Variants in MDGA1 observed in about 807,000 individuals in gnomAD.
The protein encoded by MDGA1 is MAM domain-containing glycosylphosphatidylinositol anchor protein 1.
MDGA1 carries 54 observed loss-of-function variants against 101.5 expected under a neutral mutation model. That is an observed-to-expected ratio of 0.53 (90% CI 0.43 to 0.67). The LOEUF (loss-of-function observed/expected upper bound fraction) is 0.67. MDGA1 is among the 30% of genes least tolerant of loss of function. MDGA1 has a pLI of 0.00. For synonymous variants in MDGA1, 533 were observed against 558.3 expected (o/e 0.95, Z 0.64); for missense variants, 1,083 against 1,323.8 (o/e 0.82, Z 2.82).
chr6:37,637,325 G>T lies in MDGA1; in HGVS notation c.*43C>A. On this transcript the variant is annotated 3_prime_UTR_variant, in exon 17 of 17. Transcript: ENST00000434837. ...TCTTTGGTACAATGTGGACACTTTG[G>T]TGTGCCGGGGGCAAGGTTGGGGGGG... The T allele has an allele frequency of 6.6e-7, 1 of 1,522,356 alleles. No homozygotes were observed. The highest frequency in any genetic ancestry group is 9.1e-7 in the Non-Finnish European group (1 of 1,099,556). 94.3% of individuals were successfully genotyped at this position (1,522,356 alleles called of 1,614,324 possible).
At chr6:37,681,060 G>C (rs1302192550) in intron 1 of MDGA1, among the ~76,000 whole-genome samples, 2 of 152,200 alleles carry the variant, frequency 1.3e-5, no homozygotes, top group South Asian at 4.1e-4. Flanking sequence ...GGGGGTTAAG[G>C]GGGATGGGTC....
At chr6:37,651,293 G>A (rs1179633790) in intron 7 of MDGA1, among the ~76,000 whole-genome samples, 2 of 152,164 alleles carry the variant, frequency 1.3e-5, no homozygotes, top group African/African-American at 2.4e-5. Flanking sequence ...CCCAATCAGA[G>A]GGTCTTTTGA....
At chr6:37,643,678 A>C (rs1368686350) in intron 14 of MDGA1, 131 bp downstream of exon 14, 1 of 1,304,426 alleles carries the variant, frequency 7.7e-7, no homozygotes, top group Non-Finnish European at 1.1e-6. Flanking sequence ...AGACCCGTCC[A>C]AGGACCTCTC....
intron 6 of MDGA1, 47 bp downstream of exon 6, chr6:37,654,227 C>T (rs759156010): frequency 2.7e-6 from 4 of 1,502,166 alleles, no homozygotes; most frequent in African/African-American, 1.4e-5. Context: ...GACCAGGGAC[C>T]TTGTCTGCCT....
intron 13 of MDGA1, 68 bp downstream of exon 13, chr6:37,644,429 G>A: frequency 7.0e-7 from 1 of 1,419,132 alleles, no homozygotes; most frequent in Non-Finnish European, 9.3e-7. Context: ...TCCCCAGTCT[G>A]GGGTGCCCTG....
intron 1 of MDGA1, among the ~76,000 whole-genome samples, chr6:37,668,980 T>A (rs1309557103): frequency 6.6e-6 from 1 of 152,182 alleles, no homozygotes; most frequent in South Asian, 2.1e-4. Context: ...CCCGAGTAGC[T>A]GGGATTACAG....
At chr6:37,684,115 AAGGCTT>A (rs1340807242) in intron 1 of MDGA1, among the ~76,000 whole-genome samples, 2 of 152,174 alleles carry the variant, frequency 1.3e-5, no homozygotes, top group Non-Finnish European at 2.9e-5. Flanking sequence ...CCATCGGGAG[AAGGCTT>A]AGGGCTGCCA....
chr6:37,649,225 C>G lies in MDGA1; in HGVS notation c.1651G>C (p.Ala551Pro). 1 of 1,509,268 alleles carries G rather than the reference C, an allele frequency of 6.6e-7. No individual in the cohort carries two copies. Among genetic ancestry groups the G allele is most frequent in the Admixed American group, 2.1e-5 (1 of 47,682 alleles). 93.5% of individuals were successfully genotyped at this position (1,509,268 alleles called of 1,614,324 possible). The change falls in exon 9 of 17, where the codon GCG becomes CCG. Residue 551 changes from alanine (A) to proline (P), a missense_variant. Around this residue, in one of 3 missense-constraint regions of MDGA1, gnomAD observed 657 missense variants for 771.4 expected, o/e 0.85. Coordinates refer to ENST00000434837, the MANE Select transcript of MDGA1 (RefSeq NM_153487.4). ...VEPSSQDVRQ[A>P]LGRPVLLRCS... ...CGCAGGAGCACGGGCCGGCCCAGCG[C>G]CTGGCGCACGTCCTGGGAACTGGGC...
In MDGA1 at chr6:37,652,138, T is replaced by G; in HGVS notation, c.1185A>C (p.Ala395=). ...LVTRNDPELP[A]VTSSLELIDL... ...CAATGAGCTCTAGGCTGCTGGTGAC[T>G]GCGGGCAGCTCAGGATCATTGCGGG... Residue 395 remains alanine (A), a synonymous_variant, in exon 7 of 17, where the codon GCA becomes GCC. Transcript: ENST00000434837. The surrounding 1 kb of genome is among the most constrained non-coding windows in gnomAD (Gnocchi z 4.3). 1.2e-6 allele frequency: 2 copies of G among 1,613,936 alleles called. No homozygotes were observed. Among genetic ancestry groups the G allele is most frequent in the Non-Finnish European group, 1.7e-6 (2 of 1,179,882 alleles).
At chr6:37,678,108 T>A (rs1762019757) in intron 1 of MDGA1, among the ~76,000 whole-genome samples, 1 of 152,090 alleles carries the variant, frequency 6.6e-6, no homozygotes. Flanking sequence ...GGCCCCTCCA[T>A]CCACTGACCT....
At chr6:37,678,644 G>A (rs1762030526) in intron 1 of MDGA1, among the ~76,000 whole-genome samples, 1 of 151,962 alleles carries the variant, frequency 6.6e-6, no homozygotes, top group Non-Finnish European at 1.5e-5. Flanking sequence ...AGCAGGCCTG[G>A]CCCCTTCCCA....
rs1761293648 is a variant in MDGA1, at chr6:37,649,109, GGGAACAACAGGCGGCGGCGGCA to G, written c.1745_1766del (p.Leu582ProfsTer17). ...CGTGATCCGGCGCCTCGGCGGCGGC[GGGAACAACAGGCGGCGGCGGCA>G]GCAGCTGCCCTTTGAAACGCCACAC... On this transcript the variant is annotated frameshift_variant, in exon 9 of 17. Coordinates refer to ENST00000434837, the MANE Select transcript of MDGA1 (RefSeq NM_153487.4). LOFTEE classifies it high-confidence loss of function. 4 of 1,520,732 alleles carry G rather than the reference GGGAACAACAGGCGGCGGCGGCA, an allele frequency of 2.6e-6. No individual in the cohort carries two copies. Among genetic ancestry groups the G allele is most frequent in the Non-Finnish European group, 3.5e-6 (4 of 1,137,180 alleles). 94.2% of individuals were successfully genotyped at this position (1,520,732 alleles called of 1,614,324 possible).
intron 14 of MDGA1, among the ~76,000 whole-genome samples, chr6:37,642,364 GT>G (rs1327578126): frequency 6.6e-6 from 1 of 151,776 alleles, no homozygotes; most frequent in Non-Finnish European, 1.5e-5. Context: ...TAGAGACGAG[GT>G]TTCGCCATGT....
intron 2 of MDGA1, among the ~76,000 whole-genome samples, chr6:37,660,110 C>T (rs1761587655): frequency 1.3e-5 from 2 of 149,854 alleles, no homozygotes; most frequent in South Asian, 4.2e-4. Flanking sequence ...TACTCTTGGG[C>T]TCAAGGATCC....
At chr6:37,647,764 A>T (rs1761245160) in intron 9 of MDGA1, among the ~76,000 whole-genome samples, 1 of 151,828 alleles carries the variant, frequency 6.6e-6, no homozygotes. Context: ...AAAGTGTGGG[A>T]GAACAGGGGA....
chr6:37,654,263 A>T lies in MDGA1; in HGVS notation c.982+11T>A, dbSNP rs750861685. Reference sequence around the variant, plus strand: ...CACAACTTCCCTCCCACCCCTTCTGAGGCCACGTACATCGCACCAGCAGGT... The same window carrying T: ...CACAACTTCCCTCCCACCCCTTCTGTGGCCACGTACATCGCACCAGCAGGT... On this transcript the variant is annotated intron_variant, in intron 6 of 16. Coordinates refer to ENST00000434837, the MANE Select transcript of MDGA1 (RefSeq NM_153487.4). The T allele has an allele frequency of 1.3e-6, 2 of 1,524,612 alleles. No homozygotes were observed. The highest frequency in any genetic ancestry group is 1.8e-6 in the Non-Finnish European group (2 of 1,136,004). 94.4% of individuals were successfully genotyped at this position (1,524,612 alleles called of 1,614,324 possible).
chr6:37,659,100 G>C (rs1433448494), intron 2 of MDGA1, among the ~76,000 whole-genome samples: 1 of 151,698 alleles, frequency 6.6e-6, no homozygotes. Context: ...GCCAACAGCC[G>C]CGTGAGTTAG....
rs2127326175 is a variant in MDGA1, at chr6:37,696,912, C to T, written c.-101G>A. On this transcript the variant is annotated 5_prime_UTR_variant, in exon 1 of 17. Transcript: ENST00000434837. The surrounding 1 kb of genome is among the most constrained non-coding windows in gnomAD (Gnocchi z 5.6). The stretch of plus-strand genomic sequence containing the variant: ...GCGACGCCCCTATGTCCCCCCCTTT[C>T]CCTGAGAGGTGAGAGAGAGAGCGGC... 4 of 951,260 alleles carry T rather than the reference C, an allele frequency of 4.2e-6. No individual in the cohort carries two copies. In the East Asian group the frequency reaches 1.0e-4, roughly 25 times the overall value. The allele number at this position is 951,260 out of a possible 1,614,324, so 58.9% of individuals were successfully genotyped here.
At chr6:37,644,679 A>G in intron 12 of MDGA1, 30 bp from the exon 13 acceptor site, 2 of 1,511,972 alleles carry the variant, frequency 1.3e-6, no homozygotes, top group Non-Finnish European at 1.8e-6. Flanking sequence ...TGAGACAAAG[A>G]GTCAGCCTCT....
Sources: allele counts gnomAD v4.1 joint callset (sites outside exome capture counted in the v4.1 genomes callset), GRCh38; gene constraint gnomAD v4.1.1; regional missense constraint gnomAD v4.1.1; non-coding constraint Gnocchi (gnomAD v3.1); transcripts MANE v1.5; gene names NCBI Gene and HGNC (gene_info 2026-07-23, HGNC 2026-07-21).